PTPRN2: variants seen among roughly 807,000 people sequenced by gnomAD.
PTPRN2 encodes the protein protein tyrosine phosphatase receptor type N2.
Under a neutral mutation model 118.8 loss-of-function variants are expected in PTPRN2, and 74 were observed. That is an observed-to-expected ratio of 0.62 (90% confidence interval 0.52 to 0.76). The LOEUF (loss-of-function observed/expected upper bound fraction) is 0.76, where lower values mean the gene tolerates loss of function less well. PTPRN2 is among the 30% of genes least tolerant of loss of function. The pLI, the probability that PTPRN2 is intolerant of heterozygous loss-of-function variation, is 0.00. For synonymous variants in PTPRN2, 641 were observed against 608.0 expected (o/e 1.05, Z -0.80); for missense variants, 1,481 against 1,394.4 (o/e 1.06, Z -0.99).
chr7:158,358,128 G>A (rs920736621), intron 2 of PTPRN2, among the ~76,000 whole-genome samples: 1 of 152,236 alleles, frequency 6.6e-6, no homozygotes, highest in Non-Finnish European at 1.5e-5. Context: ...ACAGCAGCCC[G>A]GCTCACCCCT....
At chr7:158,342,534 G>A (rs1469840526) in intron 2 of PTPRN2, among the ~76,000 whole-genome samples, 4 of 131,096 alleles carry the variant, frequency 3.1e-5, no homozygotes, top group African/African-American at 9.0e-5. Flanking sequence ...ACCTGCAGAC[G>A]TCACTCACAC....
intron 10 of PTPRN2, among the ~76,000 whole-genome samples, chr7:158,092,201 T>C (rs907328426): frequency 4.0e-5 from 6 of 150,100 alleles, no homozygotes; most frequent in Non-Finnish European, 7.4e-5. Flanking sequence ...CATGTATATG[T>C]GTGCATATAT....
At chr7:158,191,138 T>A (rs1825731049) in intron 5 of PTPRN2, among the ~76,000 whole-genome samples, 1 of 152,258 alleles carries the variant, frequency 6.6e-6, no homozygotes, top group Admixed American at 6.5e-5. Flanking sequence ...CTGGGAGGAC[T>A]CTACCTTTCG....
intron 12 of PTPRN2, among the ~76,000 whole-genome samples, chr7:157,873,201 A>C (rs1006329873): frequency 1.3e-5 from 2 of 151,858 alleles, no homozygotes; most frequent in African/African-American, 4.8e-5. Context: ...TGGGAGGGGG[A>C]GGCTCCGACT....
chr7:157,667,430 A>C (rs1796197350), intron 13 of PTPRN2, among the ~76,000 whole-genome samples: 1 of 152,264 alleles, frequency 6.6e-6, no homozygotes, highest in African/African-American at 2.4e-5. Context: ...GGGTGTGGGC[A>C]TCCCCCTGCC....
chr7:157,610,770 G>A lies in PTPRN2; in HGVS notation c.2345-6695C>T, dbSNP rs890711205. Among the ~76,000 whole-genome samples, 10 of 152,224 alleles carry A rather than the reference G, an allele frequency of 6.6e-5. No homozygotes were observed. The highest frequency in any genetic ancestry group is 4.6e-4 in the Admixed American group (7 of 15,282). ...ACCAGCAACAGCGTGATGACAGAAC[G>A]CATTCTGAAGGGGCAGGTCCTCTTC... On this transcript the variant is annotated intron_variant, in intron 15 of 22. Coordinates refer to ENST00000389418, the MANE Select transcript of PTPRN2 (RefSeq NM_002847.5). The surrounding 1 kb of genome is among the most constrained non-coding windows in gnomAD (Gnocchi z 5.1).
chr7:157,992,525 T>C (rs1290917423), intron 11 of PTPRN2, among the ~76,000 whole-genome samples: 1 of 152,158 alleles, frequency 6.6e-6, no homozygotes, highest in African/African-American at 2.4e-5. Flanking sequence ...GTGCTAAGGT[T>C]TTAATAACAC....
intron 12 of PTPRN2, among the ~76,000 whole-genome samples, chr7:157,733,305 C>G (rs1256061747): frequency 3.0e-5 from 1 of 33,108 alleles, no homozygotes; most frequent in African/African-American, 1.6e-4. Flanking sequence ...GTTACCCTTT[C>G]CCGTCCCACG....
chr7:157,719,764 G>A (rs558042625), intron 12 of PTPRN2, among the ~76,000 whole-genome samples: 6 of 152,220 alleles, frequency 3.9e-5, no homozygotes, highest in African/African-American at 1.2e-4. Flanking sequence ...TGCAATCTCC[G>A]GCCTTCCCGC....
At chr7:157,958,009 A>C (rs903786318) in intron 11 of PTPRN2, among the ~76,000 whole-genome samples, 1 of 152,194 alleles carries the variant, frequency 6.6e-6, no homozygotes, top group Non-Finnish European at 1.5e-5. Flanking sequence ...TAGTAGACAA[A>C]ATTCGGAAGT....
intron 2 of PTPRN2, among the ~76,000 whole-genome samples, chr7:158,327,549 T>C (rs1475376137): frequency 6.6e-6 from 1 of 152,072 alleles, no homozygotes; most frequent in Non-Finnish European, 1.5e-5. Flanking sequence ...ACACACTATC[T>C]GTTCTCACAT....
chr7:158,138,571 G>T (rs3752371), intron 6 of PTPRN2, 56 bp from the exon 7 acceptor site: 17 of 1,535,972 alleles, frequency 1.1e-5, no homozygotes, highest in South Asian at 2.3e-5. Context: ...GCAAAGGTGA[G>T]GGCCTCCAGA....
chr7:157,939,714 A>G (rs891113556), intron 11 of PTPRN2, among the ~76,000 whole-genome samples: 3 of 152,248 alleles, frequency 2.0e-5, no homozygotes, highest in African/African-American at 7.2e-5. Context: ...CCTCTGGCAT[A>G]TCTTACAACC....
In PTPRN2 at chr7:157,539,826, G is replaced by C. The variant is rs1312867800; in HGVS notation, c.*888C>G. 1 of 152,298 alleles carries C rather than the reference G, an allele frequency of 6.6e-6. No homozygotes were observed. The allele number at this position is 152,298 out of a possible 1,614,324, so 9.4% of individuals were successfully genotyped here. A position where few individuals can be genotyped will look rare whatever the true frequency, so the allele number is the denominator to read the frequency against. ...GGGACGTGCCTGGAGGAGCCAGCGG[G>C]GGCCTGGCAGGGTTCGTGTGCTCCC... On this transcript the variant is annotated 3_prime_UTR_variant, in exon 23 of 23. Transcript: ENST00000389418.
intron 12 of PTPRN2, among the ~76,000 whole-genome samples, chr7:157,851,860 T>A (rs1212550286): frequency 2.0e-5 from 3 of 152,196 alleles, no homozygotes; most frequent in Admixed American, 1.3e-4. Flanking sequence ...GCCTCAGCGC[T>A]CCCGCGCCTG....
intron 2 of PTPRN2, among the ~76,000 whole-genome samples, chr7:158,388,173 T>G (rs1400418990): frequency 1.3e-5 from 2 of 152,014 alleles, no homozygotes; most frequent in Non-Finnish European, 2.9e-5. Context: ...GGAGCACCCC[T>G]GTCCACACTG....
chr7:158,573,082 T>A (rs1344504929), intron 1 of PTPRN2, among the ~76,000 whole-genome samples: 1 of 152,144 alleles, frequency 6.6e-6, no homozygotes, highest in Non-Finnish European at 1.5e-5. Flanking sequence ...TGGACAAGAG[T>A]CTTCTGAGGC....
intron 10 of PTPRN2, among the ~76,000 whole-genome samples, chr7:158,106,736 C>T (rs1378343407): frequency 6.6e-6 from 1 of 152,142 alleles, no homozygotes; most frequent in East Asian, 1.9e-4. Context: ...TCACTAGTGT[C>T]CCAGGTCACA....
chr7:157,847,598 G>C (rs540026514), intron 12 of PTPRN2, among the ~76,000 whole-genome samples: 42 of 146,136 alleles, frequency 2.9e-4, no homozygotes, highest in African/African-American at 1.0e-3. Flanking sequence ...ATGCGTGCCC[G>C]ATGTCTACAG....
Sources: allele counts gnomAD v4.1 joint callset (sites outside exome capture counted in the v4.1 genomes callset), GRCh38; gene constraint gnomAD v4.1.1; non-coding constraint Gnocchi (gnomAD v3.1); transcripts MANE v1.5; gene names NCBI Gene and HGNC (gene_info 2026-07-23, HGNC 2026-07-21).